The following PRLR variants were observed in gnomAD, a reference collection of about 807,000 sequenced individuals.
PRLR encodes the protein hPRL receptor.
In PRLR, 13 loss-of-function variants were observed where a neutral mutation model predicts 40.2. The ratio of observed to expected loss-of-function variants is 0.32; its 90% CI spans 0.21 to 0.51. The LOEUF (loss-of-function observed/expected upper bound fraction) is 0.51. Ranked by LOEUF, PRLR falls within the 20% of genes least tolerant of loss-of-function variation. The probability of loss-of-function intolerance (pLI) is 0.97; values close to 1 mark genes in which losing one functional copy is unlikely to be tolerated. For missense variants in PRLR, 656 were observed against 747.3 expected (o/e 0.88, Z 1.42); for synonymous variants, 269 against 278.7 (o/e 0.97, Z 0.35).
intron 1 of PRLR, among the ~76,000 whole-genome samples, chr5:35,183,187 C>T (rs1478054556): frequency 1.3e-5 from 2 of 152,146 alleles, no homozygotes; most frequent in Non-Finnish European, 1.5e-5. Flanking sequence ...TAGAAAAACC[C>T]GGCCACCTTA....
chr5:35,051,951 TATAA>T (rs761135214), downstream of PRLR, among the ~76,000 whole-genome samples: 1 of 152,186 alleles, frequency 6.6e-6, no homozygotes, highest in Non-Finnish European at 1.5e-5. Flanking sequence ...ACGTGACCAT[TATAA>T]ATAAAGGGGA....
At chr5:35,146,830 A>G (rs1369497079) in intron 1 of PRLR, among the ~76,000 whole-genome samples, 2 of 152,168 alleles carry the variant, frequency 1.3e-5, no homozygotes, top group Admixed American at 6.5e-5. Flanking sequence ...AGCCCTCTAA[A>G]CCTTTTTGAA....
intron 6 of PRLR, among the ~76,000 whole-genome samples, chr5:35,070,881 A>G (rs968383879): frequency 6.6e-6 from 1 of 151,834 alleles, no homozygotes; most frequent in Middle Eastern, 3.2e-3. Context: ...AAAATTAAAG[A>G]ATTGTTAGCC....
At chr5:35,150,692 T>C (rs1774317797) in intron 1 of PRLR, among the ~76,000 whole-genome samples, 1 of 152,094 alleles carries the variant, frequency 6.6e-6, no homozygotes, top group Non-Finnish European at 1.5e-5. Context: ...AGACATATGA[T>C]AAATATTTGA....
In PRLR at chr5:35,057,947, G is replaced by C. The variant is rs1223855343; in HGVS notation, c.*7142C>G. ...TAAGAGATATCATTATCATGGCTTT[G>C]GACAACTATGAGGTGACTTATAGTT... On this transcript the variant is annotated 3_prime_UTR_variant, in exon 10 of 10. Coordinates refer to ENST00000618457, the MANE Select transcript of PRLR (RefSeq NM_000949.7). The C allele has an allele frequency of 6.6e-6, 1 of 151,976 alleles. No individual in the cohort carries two copies. Among genetic ancestry groups the C allele is most frequent in the African/African-American group, 2.4e-5 (1 of 41,394 alleles). The allele number at this position is 151,976 out of a possible 1,614,324, so 9.4% of individuals were successfully genotyped here. A position where few individuals can be genotyped will look rare whatever the true frequency, so the allele number is the denominator to read the frequency against.
intron 2 of PRLR, among the ~76,000 whole-genome samples, chr5:35,090,446 TA>T (rs1323953488): frequency 6.6e-6 from 1 of 152,150 alleles, no homozygotes; most frequent in East Asian, 1.9e-4. Flanking sequence ...AAAGGATTTT[TA>T]AAGACATTTG....
chr5:35,099,136 A>C (rs1771704972), intron 2 of PRLR, among the ~76,000 whole-genome samples: 1 of 152,200 alleles, frequency 6.6e-6, no homozygotes, highest in Non-Finnish European at 1.5e-5. Flanking sequence ...CTTTCTGGCC[A>C]CACAGTTAAA....
intron 1 of PRLR, among the ~76,000 whole-genome samples, chr5:35,209,063 G>C (rs1776098895): frequency 6.6e-6 from 1 of 151,650 alleles, no homozygotes; most frequent in Non-Finnish European, 1.5e-5. Flanking sequence ...TAAGTAGAAA[G>C]AATTTGAAAA....
chr5:35,190,727 T>C (rs114102551), intron 1 of PRLR, among the ~76,000 whole-genome samples: 3 of 152,290 alleles, frequency 2.0e-5, no homozygotes, highest in Admixed American at 6.5e-5. Context: ...GTGTACACTT[T>C]AGGGGTGAAT....
chr5:35,103,772 G>A (rs1053178765), intron 2 of PRLR, among the ~76,000 whole-genome samples: 1 of 152,162 alleles, frequency 6.6e-6, no homozygotes, highest in African/African-American at 2.4e-5. Flanking sequence ...GAATTTGGAA[G>A]GGAAGTTTGA....
intron 1 of PRLR, among the ~76,000 whole-genome samples, chr5:35,163,832 C>T (rs1293736472): frequency 2.0e-5 from 3 of 152,224 alleles, no homozygotes; most frequent in East Asian, 3.8e-4. Context: ...TTCATGCATG[C>T]AGGCATCAAG....
At chr5:35,117,624 A>G (rs1020190829) in intron 2 of PRLR, among the ~76,000 whole-genome samples, 1 of 152,236 alleles carries the variant, frequency 6.6e-6, no homozygotes, top group African/African-American at 2.4e-5. Context: ...AAGGAGACAC[A>G]GCAGTAACAT....
At chr5:35,078,978 T>C (rs992327279) in intron 5 of PRLR, among the ~76,000 whole-genome samples, 19 of 152,200 alleles carry the variant, frequency 1.2e-4, no homozygotes, top group Admixed American at 3.9e-4. Context: ...TCTCAATAGA[T>C]GCAGAAAAGG....
chr5:35,185,546 C>A (rs530344059), intron 1 of PRLR, among the ~76,000 whole-genome samples: 49 of 151,898 alleles, frequency 3.2e-4, no homozygotes, highest in Non-Finnish European at 5.7e-4. Flanking sequence ...AGGAGGAACC[C>A]AGTGGGGACA....
chr5:35,174,730 C>A (rs1052501338), intron 1 of PRLR, among the ~76,000 whole-genome samples: 22 of 152,180 alleles, frequency 1.4e-4, no homozygotes, highest in African/African-American at 5.3e-4. Flanking sequence ...TATGACCTGT[C>A]TGGGGACCAG....
intron 1 of PRLR, among the ~76,000 whole-genome samples, chr5:35,122,621 C>A (rs1773329277): frequency 6.6e-6 from 1 of 152,236 alleles, no homozygotes; most frequent in African/African-American, 2.4e-5. Context: ...TTAGTCCTGA[C>A]AAATTGTCAG....
At chr5:35,156,218 TG>T (rs1173112788) in intron 1 of PRLR, among the ~76,000 whole-genome samples, 7 of 152,136 alleles carry the variant, frequency 4.6e-5, no homozygotes, top group African/African-American at 1.7e-4. Flanking sequence ...AATCCAATGA[TG>T]AATCCTGTTG....
intron 2 of PRLR, among the ~76,000 whole-genome samples, chr5:35,108,922 CA>C (rs1182681050): frequency 6.6e-6 from 1 of 152,064 alleles, no homozygotes; most frequent in African/African-American, 2.4e-5. Flanking sequence ...AATCCTAAGC[CA>C]AAAGAACAAA....
chr5:35,079,255 A>G (rs189607054), intron 5 of PRLR, among the ~76,000 whole-genome samples: 301 of 152,352 alleles, frequency 2.0e-3, no homozygotes, highest in African/African-American at 6.9e-3. Context: ...TTAGGAAAAG[A>G]GGAAGTCAAA....
Sources: allele counts gnomAD v4.1 joint callset (sites outside exome capture counted in the v4.1 genomes callset), GRCh38; gene constraint gnomAD v4.1.1; transcripts MANE v1.5; gene names NCBI Gene and HGNC (gene_info 2026-07-23, HGNC 2026-07-21).